The following DNAH8 variants were observed in gnomAD, a reference collection of about 807,000 sequenced individuals.
The protein encoded by DNAH8 is dynein axonemal heavy chain 8.
A neutral mutation model predicts 562.1 loss-of-function variants in DNAH8; 382 were observed. The ratio of observed to expected loss-of-function variants is 0.68; its 90% CI spans 0.63 to 0.74. DNAH8 has a LOEUF of 0.74. Among genes scored for constraint, DNAH8 ranks in the 30% least tolerant of loss-of-function variants. The probability of loss-of-function intolerance (pLI) is 0.00; values close to 1 mark genes in which losing one functional copy is unlikely to be tolerated. For missense variants in DNAH8, 5,203 were observed against 5,620.4 expected (o/e 0.93, Z 2.37); for synonymous variants, 1,881 against 1,919.4 (o/e 0.98, Z 0.52).
intron 21 of DNAH8, among the ~76,000 whole-genome samples, chr6:38,801,096 G>C (rs1770740729): frequency 6.6e-6 from 1 of 151,870 alleles, no homozygotes; most frequent in Non-Finnish European, 1.5e-5. Context: ...TCTGCTTTTG[G>C]TGTCACATCT....
intron 61 of DNAH8, 143 bp from the exon 62 acceptor site, chr6:38,899,633 A>T: frequency 1.2e-6 from 1 of 819,448 alleles, no homozygotes; most frequent in Non-Finnish European, 1.9e-6. Context: ...CTTTAATTTT[A>T]AAAATTCTGT....
chr6:38,843,292 A>G (rs1025015196), intron 35 of DNAH8, among the ~76,000 whole-genome samples: 4 of 151,860 alleles, frequency 2.6e-5, no homozygotes, highest in African/African-American at 7.2e-5. Flanking sequence ...AGAATTTTCT[A>G]TTATTACATT....
Position 38,771,299 on chromosome 6 carries a change from A to G in DNAH8, c.1764+740A>G, listed in dbSNP as rs77643883. On this transcript the variant is annotated intron_variant, in intron 12 of 92. Coordinates refer to ENST00000327475, the MANE Select transcript of DNAH8 (RefSeq NM_001206927.2). ...CCTGATCAAGCCAGGACAGGAAAGTATGAGTAATGAACAGAACCAAGTTGC... is the reference window on the plus strand; with the variant it reads ...CCTGATCAAGCCAGGACAGGAAAGTGTGAGTAATGAACAGAACCAAGTTGC... Among the ~76,000 whole-genome samples the G allele has an allele frequency of 1.6e-3, 243 of 152,330 alleles. 2 individuals are homozygous for G. The highest frequency in any genetic ancestry group is 9.8e-3 in the Admixed American group (150 of 15,296).
chr6:38,974,691 T>C (rs1763560155), intron 85 of DNAH8, among the ~76,000 whole-genome samples, 162 bp downstream of exon 85: 1 of 152,228 alleles, frequency 6.6e-6, no homozygotes, highest in African/African-American at 2.4e-5. Flanking sequence ...TATTTGTTTA[T>C]GTATTTTGTG....
chr6:38,762,515 G>A (rs1262480428), intron 11 of DNAH8, among the ~76,000 whole-genome samples: 3 of 152,214 alleles, frequency 2.0e-5, no homozygotes, highest in African/African-American at 4.8e-5. Context: ...ATTGGTGAGA[G>A]AGAGAACCTG....
chr6:38,875,356 A>T (rs1777911624), intron 52 of DNAH8, among the ~76,000 whole-genome samples: 1 of 152,164 alleles, frequency 6.6e-6, no homozygotes. Context: ...TGAGGGTTGA[A>T]ACCACAGGAG....
chr6:38,873,454 A>G (rs931581790), intron 52 of DNAH8, 78 bp downstream of exon 52: 141 of 1,311,280 alleles, frequency 1.1e-4, no homozygotes, highest in Non-Finnish European at 4.9e-5. Context: ...GCCATCTGAA[A>G]TAGAAAGTTC....
chr6:38,782,447 A>AT (rs991806092), intron 16 of DNAH8, among the ~76,000 whole-genome samples: 2 of 151,800 alleles, frequency 1.3e-5, no homozygotes, highest in Non-Finnish European at 2.9e-5. Context: ...TGCCTGGCTA[A>AT]TTTTTTTGTA....
chr6:38,772,971 C>T (rs912320974), intron 12 of DNAH8, among the ~76,000 whole-genome samples: 49 of 88,068 alleles, frequency 5.6e-4, no homozygotes, highest in African/African-American at 7.2e-4. Context: ...GCTAATTAAA[C>T]TTTTTTTTTT....
Position 38,951,445 on chromosome 6 carries a change from C to T in DNAH8, c.12376C>T (p.Pro4126Ser), listed in dbSNP as rs1170406490. 7 of 1,614,028 alleles carry T rather than the reference C, an allele frequency of 4.3e-6. No homozygotes were observed. Among genetic ancestry groups the T allele is most frequent in the Non-Finnish European group, 5.9e-6 (7 of 1,180,042 alleles). ...KTWEESDTRT[P>S]LICFLSMGSD... is the part of the protein sequence containing the mutation. ...TTGGGAAGAAAGTGATACCCGGACA[C>T]CTCTGATATGCTTCCTGTCCATGGG... is the stretch of plus-strand genomic sequence containing the variant. The change falls in exon 82 of 93, where the codon CCT becomes TCT. Residue 4126 changes from proline to serine, a missense_variant. By Grantham distance (74) the Pro-to-Ser change is moderately conservative (BLOSUM62 -1). This residue lies in a region of DNAH8 where 1,399 missense variants were observed against 1,518.4 expected (regional missense o/e 0.92). Transcript: ENST00000327475.
chr6:38,897,713 C>T (rs1291826743), intron 60 of DNAH8, among the ~76,000 whole-genome samples: 1 of 151,938 alleles, frequency 6.6e-6, no homozygotes, highest in Non-Finnish European at 1.5e-5. Flanking sequence ...CCAAGGAAGT[C>T]GAGGCTGCAG....
At chr6:38,805,381 G>A (rs1285836186) in intron 22 of DNAH8, 100 bp from the exon 23 acceptor site, 5 of 716,464 alleles carry the variant, frequency 7.0e-6, no homozygotes, top group Non-Finnish European at 9.7e-6. Context: ...AAAAGTAAGA[G>A]CTTTTTAAAA....
chr6:39,026,749 T>C, intron 92 of DNAH8, 82 bp downstream of exon 92: 3 of 1,483,708 alleles, frequency 2.0e-6, no homozygotes, highest in South Asian at 2.4e-5. Context: ...GAGCTATGAG[T>C]GCCTTGGTTA....
At chr6:38,862,580 C>T in intron 44 of DNAH8, 122 bp downstream of exon 44, 1 of 1,178,580 alleles carries the variant, frequency 8.5e-7, no homozygotes, top group East Asian at 2.5e-5. Context: ...ATGGGTTGAT[C>T]CGTATGATAT....
chr6:38,884,053 A>C (rs1042751876), intron 56 of DNAH8, 55 bp downstream of exon 56: 8 of 1,096,288 alleles, frequency 7.3e-6, no homozygotes, highest in African/African-American at 1.7e-5. Flanking sequence ...TTATGTATAT[A>C]TATTATATAT....
intron 26 of DNAH8, among the ~76,000 whole-genome samples, chr6:38,820,410 A>G (rs558865471): frequency 1.3e-5 from 2 of 152,304 alleles, no homozygotes; most frequent in South Asian, 2.1e-4. Context: ...TACACATCAT[A>G]CCCGCTATTC....
At chr6:38,850,003 TA>T (rs1282474849) in intron 37 of DNAH8, among the ~76,000 whole-genome samples, 1 of 152,198 alleles carries the variant, frequency 6.6e-6, no homozygotes, top group Middle Eastern at 3.2e-3. Context: ...AAAAACATGT[TA>T]AATGCAATGA....
rs1198222343 is a variant in DNAH8, at chr6:38,938,236, C to T, written c.11816+10C>T. The T allele has an allele frequency of 1.3e-6, 2 of 1,594,196 alleles. No homozygotes were observed. The highest frequency in any genetic ancestry group is 1.1e-5 in the South Asian group (1 of 90,154). On this transcript the variant is annotated intron_variant, in intron 78 of 92. Coordinates refer to ENST00000327475, the MANE Select transcript of DNAH8 (RefSeq NM_001206927.2). ...ACCAGTCCATGGCCAGGTGAGTCCT[C>T]ACTACCTTCATCCAAAAGTGGTGAC...
chr6:38,847,868 C>T (rs973835066), intron 36 of DNAH8, among the ~76,000 whole-genome samples: 8 of 152,202 alleles, frequency 5.3e-5, no homozygotes, highest in African/African-American at 1.9e-4. Flanking sequence ...TTGTTGTGCT[C>T]AGCTTTCTGG....
Sources: allele counts gnomAD v4.1 joint callset (sites outside exome capture counted in the v4.1 genomes callset), GRCh38; gene constraint gnomAD v4.1.1; regional missense constraint gnomAD v4.1.1; transcripts MANE v1.5; gene names NCBI Gene and HGNC (gene_info 2026-07-23, HGNC 2026-07-21).